Variants in DPP6 observed in about 807,000 individuals in gnomAD.
DPP6 encodes dipeptidyl peptidase like 6.
In DPP6, 69 loss-of-function variants were observed where a neutral mutation model predicts 122.6. That is an observed-to-expected ratio of 0.56 (90% CI 0.46 to 0.69). DPP6 has a LOEUF of 0.69. DPP6 is among the 30% of genes least tolerant of loss of function. The pLI, the probability that DPP6 is intolerant of heterozygous loss-of-function variation, is 0.00. For synonymous variants in DPP6, 418 were observed against 433.1 expected (o/e 0.97, Z 0.43); for missense variants, 928 against 1,116.9 (o/e 0.83, Z 2.41).
At chr7:154,792,207 C>T (rs1422761196) in intron 10 of DPP6, among the ~76,000 whole-genome samples, 6 of 152,260 alleles carry the variant, frequency 3.9e-5, no homozygotes, top group Non-Finnish European at 8.8e-5. Flanking sequence ...GGCTTCGCCA[C>T]TGCCCCCATT....
chr7:153,948,344 T>TGA (rs576253584), intron 1 of DPP6, among the ~76,000 whole-genome samples: 5 of 152,046 alleles, frequency 3.3e-5, no homozygotes, highest in Non-Finnish European at 5.9e-5. Flanking sequence ...TATGTACGGG[T>TGA]GAGAGAGAGA....
chr7:154,727,640 C>T, intron 7 of DPP6, 127 bp from the exon 8 acceptor site: 1 of 1,320,538 alleles, frequency 7.6e-7, no homozygotes, highest in South Asian at 1.8e-5. Flanking sequence ...TTGAGACTGC[C>T]TTTGTTCTGT....
In DPP6 at chr7:154,063,421, G is replaced by C. The variant is rs1429212132; in HGVS notation, c.243+10358G>C. Among the ~76,000 whole-genome samples the C allele has an allele frequency of 4.1e-5, 5 of 121,460 alleles. 1 individual carries two copies. Among genetic ancestry groups the C allele is most frequent in the Non-Finnish European group, 6.9e-5 (4 of 57,634 alleles). 79.7% of individuals were successfully genotyped at this position (121,460 alleles called of 152,430 possible). On this transcript the variant is annotated intron_variant, in intron 1 of 25. Transcript: ENST00000377770. ...GCTATCCCCTCTTCCGCCCCTGGCT[G>C]TTGGTACCCCCATCGCAAGGGGGGG...
At chr7:154,854,968 C>T (rs193194569) in intron 17 of DPP6, among the ~76,000 whole-genome samples, 189 of 152,202 alleles carry the variant, frequency 1.2e-3, no homozygotes, top group Admixed American at 4.1e-3. Context: ...CTTCATGGCC[C>T]GGGTCCGCAG....
chr7:154,791,737 T>C (rs1222384529), intron 10 of DPP6, among the ~76,000 whole-genome samples: 1 of 152,224 alleles, frequency 6.6e-6, no homozygotes, highest in Non-Finnish European at 1.5e-5. Context: ...CCACGTTTTG[T>C]GGCCAAGAGC....
chr7:154,497,756 T>C (rs957798598), intron 3 of DPP6, among the ~76,000 whole-genome samples: 1 of 152,198 alleles, frequency 6.6e-6, no homozygotes, highest in Admixed American at 6.6e-5. Context: ...ATGCATTTCC[T>C]GAATATGCTT....
chr7:154,165,252 C>A (rs868345255), intron 1 of DPP6, among the ~76,000 whole-genome samples: 8 of 144,092 alleles, frequency 5.6e-5, no homozygotes, highest in Middle Eastern at 3.5e-3. Context: ...TGAGAATATG[C>A]GGTGTTTGGT....
intron 1 of DPP6, among the ~76,000 whole-genome samples, chr7:153,911,846 T>C (rs1800104673): frequency 6.6e-6 from 1 of 151,232 alleles, no homozygotes; most frequent in Non-Finnish European, 1.5e-5. Context: ...TACATCTTTT[T>C]CTTTTTGCGG....
chr7:153,810,249 T>C, the DPP6 span, among the ~76,000 whole-genome samples: 2 of 152,222 alleles, frequency 1.3e-5, no homozygotes, highest in African/African-American at 4.8e-5. Context: ...AGCTCATTTC[T>C]GGTGTTGACA....
intron 1 of DPP6, among the ~76,000 whole-genome samples, chr7:154,198,007 A>C (rs1798956899): frequency 6.6e-6 from 1 of 152,186 alleles, no homozygotes; most frequent in South Asian, 2.1e-4. Flanking sequence ...TCATCTGGGC[A>C]GGGAGCAGAA....
At chr7:154,186,961 C>T (rs1250451428) in intron 1 of DPP6, among the ~76,000 whole-genome samples, 1 of 152,246 alleles carries the variant, frequency 6.6e-6, no homozygotes, top group African/African-American at 2.4e-5. Flanking sequence ...GCTGACTGGG[C>T]TTCCTCCAGG....
At chr7:154,524,560 A>G (rs1302060566) in intron 3 of DPP6, among the ~76,000 whole-genome samples, 1 of 152,100 alleles carries the variant, frequency 6.6e-6, no homozygotes, top group Admixed American at 6.5e-5. Flanking sequence ...GGATGACTGG[A>G]GCAACTCGGT....
At chr7:154,236,818 C>G (rs923320505) in intron 1 of DPP6, among the ~76,000 whole-genome samples, 2 of 152,154 alleles carry the variant, frequency 1.3e-5, no homozygotes, top group African/African-American at 4.8e-5. Context: ...TGCACTTACA[C>G]AAAAGCTCCA....
chr7:154,127,616 C>G (rs572008838), intron 1 of DPP6, among the ~76,000 whole-genome samples: 5 of 113,106 alleles, frequency 4.4e-5, no homozygotes, highest in South Asian at 3.0e-4. Flanking sequence ...CACACACACA[C>G]ACACACACAC....
intron 6 of DPP6, among the ~76,000 whole-genome samples, chr7:154,647,997 T>C (rs1836605738): frequency 6.6e-6 from 1 of 151,596 alleles, no homozygotes; most frequent in Non-Finnish European, 1.5e-5. Flanking sequence ...ACGCGTGTAA[T>C]CCCAGCACTT....
intron 6 of DPP6, among the ~76,000 whole-genome samples, chr7:154,640,123 A>T (rs1835975129): frequency 2.0e-5 from 3 of 152,094 alleles, no homozygotes; most frequent in Admixed American, 6.5e-5. Flanking sequence ...ATGGTGGTGC[A>T]CACCTCTAGT....
At chr7:154,157,206 T>C (rs1258969131) in intron 1 of DPP6, among the ~76,000 whole-genome samples, 1 of 152,280 alleles carries the variant, frequency 6.6e-6, no homozygotes, top group Non-Finnish European at 1.5e-5. Flanking sequence ...CATCCTTATC[T>C]AAAATTTCAG....
chr7:153,938,242 G>T (rs1194407684), intron 1 of DPP6, among the ~76,000 whole-genome samples: 1 of 152,126 alleles, frequency 6.6e-6, no homozygotes, highest in Non-Finnish European at 1.5e-5. Context: ...TTCTACTCAT[G>T]CGTTTGCCCC....
At chr7:154,788,556 A>G (rs1202221030) in intron 10 of DPP6, among the ~76,000 whole-genome samples, 1 of 152,226 alleles carries the variant, frequency 6.6e-6, no homozygotes, top group African/African-American at 2.4e-5. Flanking sequence ...AAGGAGGAGA[A>G]GCTTCAGATC....
Sources: gnomAD v4.1 joint callset for allele counts (sites outside exome capture counted in the v4.1 genomes callset) on GRCh38, gnomAD v4.1.1 for gene constraint, MANE v1.5 for transcripts, NCBI Gene and HGNC (gene_info 2026-07-23, HGNC 2026-07-21) for gene names.